The following CNTNAP5 variants were observed in gnomAD, a reference collection of about 807,000 sequenced individuals.
CNTNAP5 encodes contactin-associated protein-like 5.
A neutral mutation model predicts 150.2 loss-of-function variants in CNTNAP5; 72 were observed. That is an observed-to-expected ratio of 0.48 (90% CI 0.40 to 0.58). CNTNAP5 has a LOEUF of 0.58. Ranked by LOEUF, CNTNAP5 falls within the 20% of genes least tolerant of loss-of-function variation. The pLI is 0.00. For synonymous variants in CNTNAP5, 672 were observed against 619.8 expected (o/e 1.08, Z -1.25); for missense variants, 1,636 against 1,626.2 (o/e 1.01, Z -0.10).
chr2:124,374,186 A>G (rs1424955788), intron 3 of CNTNAP5, among the ~76,000 whole-genome samples: 1 of 152,124 alleles, frequency 6.6e-6, no homozygotes, highest in Non-Finnish European at 1.5e-5. Flanking sequence ...AAACAATTAT[A>G]TTAGAGAAAT....
intron 6 of CNTNAP5, among the ~76,000 whole-genome samples, chr2:124,456,870 G>A (rs1256670491): frequency 6.6e-6 from 1 of 152,118 alleles, no homozygotes; most frequent in Non-Finnish European, 1.5e-5. Context: ...GCCTGTAGGA[G>A]AATGAAACTA....
chr2:124,406,256 G>A (rs1015396179), intron 3 of CNTNAP5, among the ~76,000 whole-genome samples: 1 of 152,200 alleles, frequency 6.6e-6, no homozygotes, highest in Non-Finnish European at 1.5e-5. Flanking sequence ...TGAAGGTACT[G>A]TGTGGACTTT....
chr2:124,895,406 G>T (rs756582585), intron 21 of CNTNAP5, among the ~76,000 whole-genome samples: 3 of 151,522 alleles, frequency 2.0e-5, no homozygotes, highest in Non-Finnish European at 4.4e-5. Flanking sequence ...TGGGAGGATT[G>T]CTTGAGCCCA....
chr2:124,422,089 G>T (rs1692117185), intron 4 of CNTNAP5, among the ~76,000 whole-genome samples: 1 of 152,190 alleles, frequency 6.6e-6, no homozygotes, highest in Non-Finnish European at 1.5e-5. Flanking sequence ...GTAAGTATTT[G>T]TTGAATGGGT....
intron 1 of CNTNAP5, among the ~76,000 whole-genome samples, chr2:124,056,092 T>A (rs1681840049): frequency 6.6e-6 from 1 of 152,220 alleles, no homozygotes; most frequent in Admixed American, 6.5e-5. Flanking sequence ...TTACATTTCT[T>A]TTGCTTTCAG....
intron 3 of CNTNAP5, among the ~76,000 whole-genome samples, chr2:124,347,745 AGGT>A (rs1441368739): frequency 6.6e-6 from 1 of 152,204 alleles, no homozygotes; most frequent in Non-Finnish European, 1.5e-5. Flanking sequence ...ATGATTAAAA[AGGT>A]GAATATGTAA....
chr2:124,286,687 G>A (rs1688160205), intron 3 of CNTNAP5, among the ~76,000 whole-genome samples: 1 of 152,108 alleles, frequency 6.6e-6, no homozygotes, highest in African/African-American at 2.4e-5. Flanking sequence ...AGACATTGCT[G>A]GCAAGGCCCC....
chr2:124,650,173 G>A (rs758080505), intron 13 of CNTNAP5, among the ~76,000 whole-genome samples: 2 of 152,158 alleles, frequency 1.3e-5, no homozygotes, highest in Non-Finnish European at 2.9e-5. Context: ...CAAAAGGAGG[G>A]AGATAAAGGA....
chr2:124,489,175 C>T (rs987524453), intron 7 of CNTNAP5, among the ~76,000 whole-genome samples: 2 of 152,208 alleles, frequency 1.3e-5, no homozygotes, highest in Non-Finnish European at 2.9e-5. Context: ...ACTATTAAAA[C>T]TCCTTCTATC....
intron 1 of CNTNAP5, among the ~76,000 whole-genome samples, chr2:124,221,449 C>G (rs1203830129): frequency 6.6e-6 from 1 of 152,072 alleles, no homozygotes; most frequent in Non-Finnish European, 1.5e-5. Flanking sequence ...GCGCTATTTT[C>G]TAGCATTGAG....
At chr2:124,848,838 C>A (rs1683101055) in intron 19 of CNTNAP5, among the ~76,000 whole-genome samples, 1 of 152,012 alleles carries the variant, frequency 6.6e-6, no homozygotes, top group Non-Finnish European at 1.5e-5. Flanking sequence ...TCACTTTTGT[C>A]ATTGTTTATT....
intron 13 of CNTNAP5, among the ~76,000 whole-genome samples, chr2:124,703,800 A>G (rs1315932930): frequency 1.3e-5 from 2 of 152,220 alleles, no homozygotes; most frequent in African/African-American, 4.8e-5. Context: ...GCCTGATGAC[A>G]TCAGAGAAGT....
intron 13 of CNTNAP5, among the ~76,000 whole-genome samples, chr2:124,656,656 C>G (rs1298566572): frequency 6.6e-6 from 1 of 152,178 alleles, no homozygotes; most frequent in African/African-American, 2.4e-5. Context: ...TGGTATATAT[C>G]TGACCACAAT....
At position 124,175,598 on chromosome 2, in the gene CNTNAP5, A is replaced by G. The variant is rs192678147; in HGVS notation, c.83-46107A>G. Among the ~76,000 whole-genome samples, 16 of 152,212 alleles carry G rather than the reference A, an allele frequency of 1.1e-4. No individual in the cohort carries two copies. In the East Asian group the frequency reaches 1.9e-3, roughly 18 times the overall value. On this transcript the variant is annotated intron_variant, in intron 1 of 23. Coordinates refer to ENST00000682447, the MANE Select transcript of CNTNAP5 (RefSeq NM_001367498.1). ...GTTTTTCAGCCCTTGCCCCCACCCA[A>G]GTAGTCCCCATTCTCTATTGTTCTC...
At chr2:124,037,056 A>G (rs75066761) in intron 1 of CNTNAP5, among the ~76,000 whole-genome samples, 13,523 of 152,228 alleles carry the variant, frequency 0.089, 673 homozygotes, top group Non-Finnish European at 0.12. Flanking sequence ...TTCTGCCCCA[A>G]TCTTCAGGCC....
chr2:124,427,515 G>A (rs906349275), intron 4 of CNTNAP5, among the ~76,000 whole-genome samples: 25 of 151,956 alleles, frequency 1.6e-4, no homozygotes, highest in Admixed American at 1.5e-3. Context: ...AGAGTGCAGT[G>A]ACACAATCTT....
chr2:124,687,657 G>C (rs536623256), intron 13 of CNTNAP5, among the ~76,000 whole-genome samples: 1 of 152,012 alleles, frequency 6.6e-6, no homozygotes, highest in Non-Finnish European at 1.5e-5. Context: ...GGAGAAACTT[G>C]TACGTGGCAA....
At chr2:124,770,908 A>G (rs1681177513) in intron 16 of CNTNAP5, among the ~76,000 whole-genome samples, 1 of 152,210 alleles carries the variant, frequency 6.6e-6, no homozygotes, top group Non-Finnish European at 1.5e-5. Flanking sequence ...CCCATTTTAC[A>G]GACAAGAAAA....
rs1339702990 is a variant in CNTNAP5 at position 124,747,325 on chromosome 2, T to C, written c.2174T>C (p.Leu725Pro). 1 of 1,613,840 alleles carries C rather than the reference T, an allele frequency of 6.2e-7. No individual in the cohort carries two copies. Among genetic ancestry groups the C allele is most frequent in the Admixed American group, 1.7e-5 (1 of 60,030 alleles). ...GGGGTCCAGCAGTGTGAGTGTGGCC[T>C]AGACGAGAGCTGCCTGGACATTCAG... ...PPGVQQCECG[L>P]DESCLDIQHF... Residue 725 changes from leucine (L) to proline (P), a missense_variant, in exon 14 of 24, where the codon CTA (leucine) becomes CCA (proline). Transcript: ENST00000682447.
Sources: gnomAD v4.1 joint callset for allele counts (sites outside exome capture counted in the v4.1 genomes callset) on GRCh38, gnomAD v4.1.1 for gene constraint, MANE v1.5 for transcripts, NCBI Gene and HGNC (gene_info 2026-07-23, HGNC 2026-07-21) for gene names.